Variants in NEK7 observed in about 807,000 individuals in gnomAD.
The protein encoded by NEK7 is serine/threonine-protein kinase Nek7.
NEK7 carries 18 observed loss-of-function variants against 44.6 expected under a neutral mutation model. The observed-to-expected ratio is 0.40, with a 90% CI of 0.28 to 0.60. NEK7 has a LOEUF of 0.60. NEK7 is among the 20% of genes least tolerant of loss of function. NEK7 has a pLI of 0.38. For missense variants in NEK7, 256 were observed against 366.5 expected (o/e 0.70, Z 2.46); for synonymous variants, 130 against 121.1 (o/e 1.07, Z -0.48).
intron 1 of NEK7, among the ~76,000 whole-genome samples, chr1:198,181,886 T>C (rs1021444788): frequency 1.3e-5 from 2 of 152,088 alleles, no homozygotes; most frequent in Non-Finnish European, 2.9e-5. Flanking sequence ...GGGTAAGTGG[T>C]TGAATTGAAG....
rs553700886 is a variant in NEK7, at chr1:198,312,009, A to G, written c.799-7403A>G. On this transcript the variant is annotated intron_variant, in intron 9 of 9. Transcript: ENST00000367385. ...TATTGATTGGAATAGTTTCAGAAGG[A>G]ATGGTACCTGTTCCTCCTTGTACCT... Among the ~76,000 whole-genome samples, 20 of 152,296 alleles carry G rather than the reference A, an allele frequency of 1.3e-4. 1 individual carries two copies. In the South Asian group the frequency reaches 4.1e-3, roughly 32 times the overall value.
At chr1:198,299,441 G>A (rs4564172) in intron 9 of NEK7, among the ~76,000 whole-genome samples, 150,671 of 152,294 alleles carry the variant, frequency 0.99, 74,549 homozygotes, top group Middle Eastern at 1. Flanking sequence ...AGTAAAGTAG[G>A]CTTTTTAGAT....
At position 198,320,287 on chromosome 1, in the gene NEK7, G is replaced by A. The variant is rs1047836232; in HGVS notation, c.*765G>A. ...TTTTTAAAGTTGCACATTGCCCAAGGCTTTTTTTGTGTGTTTTTATTGTTG... is the reference window on the plus strand; with the variant it reads ...TTTTTAAAGTTGCACATTGCCCAAGACTTTTTTTGTGTGTTTTTATTGTTG... On this transcript the variant is annotated 3_prime_UTR_variant, in exon 10 of 10. Coordinates refer to ENST00000367385, the MANE Select transcript of NEK7 (RefSeq NM_133494.3). The A allele has an allele frequency of 6.6e-6, 1 of 151,994 alleles. No individual in the cohort carries two copies. Among genetic ancestry groups the A allele is most frequent in the African/African-American group, 2.4e-5 (1 of 41,402 alleles). 9.4% of individuals were successfully genotyped at this position (151,994 alleles called of 1,614,324 possible).
At chr1:198,212,498 A>G (rs1665804346) in intron 1 of NEK7, among the ~76,000 whole-genome samples, 2 of 152,310 alleles carry the variant, frequency 1.3e-5, no homozygotes, top group Non-Finnish European at 1.5e-5. Flanking sequence ...CAGTAGAGGC[A>G]GCTGCACTCC....
At chr1:198,202,069 C>G (rs1016184235) in intron 1 of NEK7, among the ~76,000 whole-genome samples, 9 of 152,174 alleles carry the variant, frequency 5.9e-5, no homozygotes, top group Non-Finnish European at 1.3e-4. Flanking sequence ...AGTCTGCTGA[C>G]TCTTTTTGGC....
chr1:198,183,827 C>T (rs192389164), intron 1 of NEK7, among the ~76,000 whole-genome samples: 80 of 152,310 alleles, frequency 5.3e-4, no homozygotes, highest in African/African-American at 1.8e-3. Flanking sequence ...TAGCATGTGA[C>T]TCGAGACGTT....
chr1:198,279,211 T>A (rs75987902), intron 7 of NEK7, 150 bp downstream of exon 7: 42 of 506,826 alleles, frequency 8.3e-5, no homozygotes, highest in South Asian at 5.7e-4. Flanking sequence ...AACTCTCTAT[T>A]AGGTATAAGG....
At chr1:198,223,977 C>T (rs1465864427) in intron 1 of NEK7, among the ~76,000 whole-genome samples, 1 of 152,074 alleles carries the variant, frequency 6.6e-6, no homozygotes, top group African/African-American at 2.4e-5. Flanking sequence ...AGTATGAAGG[C>T]TCATTGAAAT....
At chr1:198,188,735 G>T (rs941812678) in intron 1 of NEK7, among the ~76,000 whole-genome samples, 1 of 152,096 alleles carries the variant, frequency 6.6e-6, no homozygotes, top group African/African-American at 2.4e-5. Flanking sequence ...TTCAAATAAT[G>T]TGCATGAAAT....
At position 198,277,955 on chromosome 1, in the gene NEK7, A is replaced by T. The variant is rs1226016426; in HGVS notation, c.373-6A>T. 1 of 1,567,310 alleles carries T rather than the reference A, an allele frequency of 6.4e-7. No homozygotes were observed. Among genetic ancestry groups the T allele is most frequent in the Non-Finnish European group, 8.7e-7 (1 of 1,143,326 alleles). On this transcript the variant is annotated splice_polypyrimidine_tract_variant and splice_region_variant and intron_variant, in intron 5 of 9. Coordinates refer to ENST00000367385, the MANE Select transcript of NEK7 (RefSeq NM_133494.3). ...TTTATAGTTCTTATTTTTAATTTTC[A>T]AAAAGCATTTTAAGAAGCAAAAGAG...
intron 1 of NEK7, among the ~76,000 whole-genome samples, chr1:198,225,355 G>A (rs1666186632): frequency 6.6e-6 from 1 of 152,012 alleles, no homozygotes. Context: ...CAGGACAATG[G>A]AACACTTCAG....
In NEK7 at chr1:198,261,094, T is replaced by C. The variant is rs1451446505; in HGVS notation, c.199-1481T>C. On this transcript the variant is annotated intron_variant, in intron 3 of 9. Coordinates refer to ENST00000367385, the MANE Select transcript of NEK7 (RefSeq NM_133494.3). ...ACTTTTATGCAGTAGATATCTTTTG[T>C]TTCTGACTGGCAGAATCCTATAATT... 2.6e-5 allele frequency among the ~76,000 whole-genome samples: 4 copies of C among 152,176 alleles called. 1 individual carries two copies. The highest frequency in any genetic ancestry group is 9.6e-5 in the African/African-American group (4 of 41,576).
chr1:198,240,931 G>T (rs1018117224), intron 2 of NEK7, among the ~76,000 whole-genome samples: 1 of 152,160 alleles, frequency 6.6e-6, no homozygotes, highest in Admixed American at 6.5e-5. Context: ...CTAACCTTGT[G>T]ATCCACCCGC....
intron 1 of NEK7, among the ~76,000 whole-genome samples, chr1:198,158,589 A>G (rs116022186): frequency 0.029 from 4,463 of 152,342 alleles, 118 homozygotes; most frequent in African/African-American, 0.063. Context: ...CAAAAGCTAC[A>G]GTATGTTTGG....
intron 2 of NEK7, among the ~76,000 whole-genome samples, chr1:198,232,917 CAT>C (rs542040574): frequency 3.4e-4 from 51 of 151,550 alleles, no homozygotes; most frequent in African/African-American, 1.2e-3. Flanking sequence ...TACAATTGCA[CAT>C]ATTTTTAGGG....
chr1:198,192,789 A>G (rs1665117537), intron 1 of NEK7, among the ~76,000 whole-genome samples: 1 of 152,166 alleles, frequency 6.6e-6, no homozygotes, highest in Admixed American at 6.5e-5. Context: ...ACATGTGAGA[A>G]TCTCTGGGAC....
rs141310276 is a variant in NEK7 at position 198,217,234 on chromosome 1, G to A, written c.-28-15319G>A. ...GTTAGCAAACCAAACTCAACAGCACGTCAAAAGAAATAAAAATTCACCATG... is the reference window on the plus strand; with the variant it reads ...GTTAGCAAACCAAACTCAACAGCACATCAAAAGAAATAAAAATTCACCATG... On this transcript the variant is annotated intron_variant, in intron 1 of 9. Coordinates refer to ENST00000367385, the MANE Select transcript of NEK7 (RefSeq NM_133494.3). Among the ~76,000 whole-genome samples, 188 of 152,010 alleles carry A rather than the reference G, an allele frequency of 1.2e-3. 2 individuals carry two copies. Among genetic ancestry groups the A allele is most frequent in the African/African-American group, 4.4e-3 (181 of 41,528 alleles).
At chr1:198,227,629 G>T (rs1666265247) in intron 1 of NEK7, among the ~76,000 whole-genome samples, 3 of 152,190 alleles carry the variant, frequency 2.0e-5, no homozygotes, top group Admixed American at 6.5e-5. Flanking sequence ...GTGATGATGA[G>T]AATTTTTTCA....
chr1:198,194,717 A>G (rs1665184191), intron 1 of NEK7, among the ~76,000 whole-genome samples: 1 of 152,158 alleles, frequency 6.6e-6, no homozygotes, highest in Non-Finnish European at 1.5e-5. Flanking sequence ...CAGTCTACCA[A>G]TAATGGCCAT....
Sources: gnomAD v4.1 joint callset for allele counts (sites outside exome capture counted in the v4.1 genomes callset) on GRCh38, gnomAD v4.1.1 for gene constraint, MANE v1.5 for transcripts, NCBI Gene and HGNC (gene_info 2026-07-23, HGNC 2026-07-21) for gene names.